The following SBF2 variants were observed in gnomAD, a reference collection of about 807,000 sequenced individuals.
SBF2 encodes the protein myotubularin-related protein 13.
In SBF2, 112 loss-of-function variants were observed where a neutral mutation model predicts 225.2. That is an observed-to-expected ratio of 0.50 (90% CI 0.43 to 0.58). SBF2 has a LOEUF of 0.58. SBF2 is among the 20% of genes least tolerant of loss of function. SBF2 has a pLI of 0.00. For missense variants in SBF2, 1,996 were observed against 2,206.2 expected (o/e 0.90, Z 1.91); for synonymous variants, 763 against 773.3 (o/e 0.99, Z 0.22).
chr11:9,829,478 T>G lies in SBF2; in HGVS notation c.3671A>C (p.Glu1224Ala), dbSNP rs1469328611. ...CTCTTGTTCTATGCTACTGGAAGATTCTAAAGAGGAGGTAGGAGCTATAAA... is the reference window on the plus strand; with the variant it reads ...CTCTTGTTCTATGCTACTGGAAGATGCTAAAGAGGAGGTAGGAGCTATAAA... ...SPQAAPTSSL[E>A]SSSSIEQEKY... Residue 1224 changes from glutamate (E) to alanine (A), a missense_variant, in exon 28 of 40, where the codon GAA becomes GCA. Coordinates refer to ENST00000256190, the MANE Select transcript of SBF2 (RefSeq NM_030962.4). The G allele has an allele frequency of 6.2e-7, 1 of 1,612,480 alleles. No homozygotes were observed. Among genetic ancestry groups the G allele is most frequent in the East Asian group, 2.2e-5 (1 of 44,856 alleles).
intron 2 of SBF2, among the ~76,000 whole-genome samples, chr11:10,115,451 T>C (rs1953090451): frequency 6.6e-6 from 1 of 152,190 alleles, no homozygotes; most frequent in Non-Finnish European, 1.5e-5. Context: ...GGTTTACTAA[T>C]CCCATTTGAG....
chr11:9,853,633 C>A lies in SBF2; in HGVS notation c.2443G>T (p.Val815Phe). Residue 815 changes from valine to phenylalanine, a missense_variant, in exon 20 of 40, where the codon GTT (valine) becomes TTT (phenylalanine). Physicochemically the swap from Val to Phe is conservative, Grantham distance 50. Transcript: ENST00000256190. ...DSENTDIANS[V>F]VRFITRFIDK... is the part of the protein sequence containing the mutation. ...ATAAATCGGGTAATGAACCGCACAACAGAATTGGCAATGTCAGTATTCTCT... is the reference window on the plus strand; with the variant it reads ...ATAAATCGGGTAATGAACCGCACAAAAGAATTGGCAATGTCAGTATTCTCT... 1.9e-6 allele frequency: 3 copies of A among 1,613,972 alleles called. No homozygotes were observed. Among genetic ancestry groups the A allele is most frequent in the South Asian group, 1.1e-5 (1 of 91,078 alleles).
intron 2 of SBF2, among the ~76,000 whole-genome samples, chr11:10,135,842 C>T (rs1954320314): frequency 6.6e-6 from 1 of 152,168 alleles, no homozygotes; most frequent in Non-Finnish European, 1.5e-5. Flanking sequence ...CAAACTGTTC[C>T]AACCTCGGCC....
At chr11:10,108,593 C>T (rs1952677982) in intron 2 of SBF2, among the ~76,000 whole-genome samples, 1 of 139,424 alleles carries the variant, frequency 7.2e-6, no homozygotes, top group Admixed American at 7.8e-5. Flanking sequence ...GGCGCGATCT[C>T]GGCTCACTGC....
chr11:10,207,989 T>G (rs577913649), intron 1 of SBF2, among the ~76,000 whole-genome samples: 41 of 152,202 alleles, frequency 2.7e-4, no homozygotes, highest in Non-Finnish European at 2.8e-4. Context: ...ATCTAAAATA[T>G]AAATACCTTC....
intron 33 of SBF2, among the ~76,000 whole-genome samples, chr11:9,792,385 C>G (rs567001027): frequency 6.6e-6 from 1 of 150,988 alleles, no homozygotes; most frequent in Non-Finnish European, 1.5e-5. Flanking sequence ...GAGCTGAGAT[C>G]GTGCCACTGC....
At chr11:10,007,072 G>A (rs1386520180) in intron 6 of SBF2, among the ~76,000 whole-genome samples, 2 of 152,096 alleles carry the variant, frequency 1.3e-5, no homozygotes, top group Non-Finnish European at 2.9e-5. Context: ...TTAAGGGTAC[G>A]TGGTAAGACC....
intron 1 of SBF2, among the ~76,000 whole-genome samples, chr11:10,258,067 T>C (rs1316944778): frequency 7.6e-6 from 1 of 131,722 alleles, no homozygotes; most frequent in Non-Finnish European, 1.6e-5. Flanking sequence ...CTAAGAGGTA[T>C]AAATACACAC....
At chr11:10,016,392 A>T (rs1948654461) in intron 6 of SBF2, 1 of 152,208 alleles carries the variant, frequency 6.6e-6, no homozygotes, top group Non-Finnish European at 1.5e-5. Flanking sequence ...AATTAATAGT[A>T]TAATACAAAA....
At chr11:9,827,144 G>A (rs960530476) in intron 28 of SBF2, among the ~76,000 whole-genome samples, 10 of 152,104 alleles carry the variant, frequency 6.6e-5, no homozygotes, top group African/African-American at 2.4e-4. Flanking sequence ...GGCCTACTTA[G>A]TATCTTTTTA....
intron 28 of SBF2, among the ~76,000 whole-genome samples, chr11:9,817,689 G>C (rs1461887472): frequency 6.9e-6 from 1 of 145,644 alleles, no homozygotes. Context: ...CAGATCGCTT[G>C]AGCCCAGGAG....
At chr11:10,135,994 T>C (rs1954330524) in intron 2 of SBF2, among the ~76,000 whole-genome samples, 1 of 152,138 alleles carries the variant, frequency 6.6e-6, no homozygotes, top group Admixed American at 6.6e-5. Context: ...TACTGGGCGA[T>C]TTACAAAAGA....
intron 2 of SBF2, among the ~76,000 whole-genome samples, chr11:10,085,225 A>G (rs926702095): frequency 6.6e-6 from 1 of 152,090 alleles, no homozygotes; most frequent in Non-Finnish European, 1.5e-5. Flanking sequence ...TGTTCTCAAA[A>G]CCTTTTAGCA....
intron 2 of SBF2, among the ~76,000 whole-genome samples, chr11:10,085,783 C>T (rs959325979): frequency 3.3e-4 from 50 of 151,936 alleles, no homozygotes; most frequent in Non-Finnish European, 6.6e-4. Flanking sequence ...TTTTCTCTCA[C>T]TTCCTTCTCC....
intron 2 of SBF2, among the ~76,000 whole-genome samples, chr11:10,168,888 A>T (rs1340552993): frequency 1.3e-5 from 2 of 152,216 alleles, no homozygotes; most frequent in African/African-American, 2.4e-5. Flanking sequence ...AAACCACAAT[A>T]AATTAACCAA....
chr11:9,807,233 A>G (rs1174982971), intron 32 of SBF2, among the ~76,000 whole-genome samples: 1 of 152,100 alleles, frequency 6.6e-6, no homozygotes, highest in African/African-American at 2.4e-5. Flanking sequence ...GTGCCATCCA[A>G]TTCTCAAACC....
intron 2 of SBF2, among the ~76,000 whole-genome samples, chr11:10,077,677 TA>T (rs1951175414): frequency 6.6e-6 from 1 of 152,062 alleles, no homozygotes; most frequent in East Asian, 1.9e-4. Context: ...ATAAAACCAT[TA>T]AAAATCCTAG....
intron 2 of SBF2, among the ~76,000 whole-genome samples, chr11:10,108,027 G>A (rs183581646): frequency 6.6e-6 from 1 of 152,206 alleles, no homozygotes; most frequent in East Asian, 1.9e-4. Flanking sequence ...TCATGATTGT[G>A]GTACTGGCTT....
At chr11:9,919,404 G>A (rs1357487978) in intron 16 of SBF2, among the ~76,000 whole-genome samples, 12 of 152,058 alleles carry the variant, frequency 7.9e-5, no homozygotes, top group African/African-American at 1.4e-4. Context: ...GGGTTTATTC[G>A]GCTGGGGGCA....
Sources: gnomAD v4.1 joint callset for allele counts (sites outside exome capture counted in the v4.1 genomes callset) on GRCh38, gnomAD v4.1.1 for gene constraint, MANE v1.5 for transcripts, NCBI Gene and HGNC (gene_info 2026-07-23, HGNC 2026-07-21) for gene names.